The following RGL1 variants were observed in gnomAD, a reference collection of about 807,000 sequenced individuals.
The protein encoded by RGL1 is ral guanine nucleotide dissociation stimulator-like 1.
RGL1 carries 24 observed loss-of-function variants against 95.2 expected under a neutral mutation model. The ratio of observed to expected loss-of-function variants is 0.25; its 90% confidence interval spans 0.18 to 0.35. The LOEUF (loss-of-function observed/expected upper bound fraction) is 0.35, where lower values mean the gene tolerates loss of function less well. Among genes scored for constraint, RGL1 ranks in the 10% least tolerant of loss-of-function variants. The probability of loss-of-function intolerance (pLI) is 1.00; values close to 1 mark genes in which losing one functional copy is unlikely to be tolerated. For missense variants in RGL1, 715 were observed against 936.3 expected, an observed-to-expected ratio of 0.76 and a Z score of 3.08; for synonymous variants, 329 against 344.9, an observed-to-expected ratio of 0.95 and a Z score of 0.51.
chr1:183,846,392 G>A (rs1240160025), intron 2 of RGL1, among the ~76,000 whole-genome samples: 2 of 151,976 alleles, frequency 1.3e-5, no homozygotes, highest in East Asian at 1.9e-4. Context: ...GGGGCCTGTC[G>A]GGGGTGGGGT....
intron 2 of RGL1, among the ~76,000 whole-genome samples, chr1:183,816,947 G>GAA (rs140069137): frequency 6.6e-6 from 1 of 150,962 alleles, no homozygotes; most frequent in Non-Finnish European, 1.5e-5. Flanking sequence ...TTGGTTGTGG[G>GAA]AAAAAAAAAC....
intron 2 of RGL1, among the ~76,000 whole-genome samples, chr1:183,762,742 A>AGAT (rs1658760691): frequency 6.6e-6 from 1 of 152,226 alleles, no homozygotes; most frequent in South Asian, 2.1e-4. Flanking sequence ...AAGAAACAAC[A>AGAT]GATGCTGGAG....
chr1:183,647,896 C>T, intron 1 of RGL1: 1 of 1,614,160 alleles, frequency 6.2e-7, no homozygotes, highest in Non-Finnish European at 8.5e-7. Flanking sequence ...CTGAGAGGCA[C>T]TAGCACAAAA....
intron 2 of RGL1, among the ~76,000 whole-genome samples, chr1:183,768,263 T>C (rs1659087455): frequency 6.6e-6 from 1 of 152,076 alleles, no homozygotes; most frequent in East Asian, 1.9e-4. Flanking sequence ...TATTTTATTT[T>C]AGGACAAAAA....
chr1:183,922,796 T>A (rs187630661), intron 17 of RGL1, among the ~76,000 whole-genome samples: 1 of 152,360 alleles, frequency 6.6e-6, no homozygotes, highest in African/African-American at 2.4e-5. Flanking sequence ...GGTATTTTCT[T>A]TATTCATGAT....
rs138039135 is a variant in RGL1 at position 183,868,102 on chromosome 1, C to T, written c.425+2029C>T. On this transcript the variant is annotated intron_variant, in intron 4 of 17. Coordinates refer to ENST00000360851, the MANE Select transcript of RGL1 (RefSeq NM_001297671.3). ...GGAGGAGGTTACCTTTGATCTGGGCCCTGAAGCATGGTGAAGATTTTGTTG... is the reference window on the plus strand; with the variant it reads ...GGAGGAGGTTACCTTTGATCTGGGCTCTGAAGCATGGTGAAGATTTTGTTG... Among the ~76,000 whole-genome samples the T allele has an allele frequency of 1.1e-3, 173 of 152,176 alleles. 3 individuals are homozygous for T. In the East Asian group the frequency reaches 0.031, roughly 27 times the overall value.
chr1:183,913,841 C>T lies in RGL1; in HGVS notation c.1749+1573C>T, dbSNP rs906029505. ...TTCAGGATTCATCAAACTGAGATGACTAATTTGCTGCTCTAGTTGGATTTC... is the reference window on the plus strand; with the variant it reads ...TTCAGGATTCATCAAACTGAGATGATTAATTTGCTGCTCTAGTTGGATTTC... On this transcript the variant is annotated intron_variant, in intron 15 of 17. Transcript: ENST00000360851. Among the ~76,000 whole-genome samples the T allele has an allele frequency of 7.2e-5, 11 of 152,208 alleles. 1 individual carries two copies. The highest frequency in any genetic ancestry group is 6.5e-4 in the Admixed American group (10 of 15,280).
In RGL1 at chr1:183,772,884, CT is replaced by C. The variant is rs1659361143; in HGVS notation, c.132+30596del. 1.3e-5 allele frequency among the ~76,000 whole-genome samples: 2 copies of C among 151,284 alleles called. 1 individual carries two copies. The highest frequency in any genetic ancestry group is 4.2e-4 in the South Asian group (2 of 4,776). On this transcript the variant is annotated intron_variant, in intron 2 of 18. Transcript: ENST00000304685. ...ATTAGCCGGGCGCGGTGGCGGGCGC[CT>C]GTAGTCCCAGCTACTGGGGAGGCTG...
At chr1:183,882,848 G>T (rs998453387) in intron 5 of RGL1, among the ~76,000 whole-genome samples, 2 of 152,136 alleles carry the variant, frequency 1.3e-5, no homozygotes, top group African/African-American at 4.8e-5. Context: ...GAAAGAAAAG[G>T]CTCAAAATAT....
chr1:183,835,807 C>T (rs1380385391), intron 2 of RGL1, among the ~76,000 whole-genome samples: 2 of 152,146 alleles, frequency 1.3e-5, no homozygotes, highest in African/African-American at 4.8e-5. Context: ...TTTCAACATG[C>T]CTTAGATCTA....
chr1:183,920,515 A>T (rs1669254080), intron 16 of RGL1, among the ~76,000 whole-genome samples: 1 of 152,234 alleles, frequency 6.6e-6, no homozygotes. Flanking sequence ...TAAACACGCA[A>T]GGGAAAGCCC....
At position 183,652,920 on chromosome 1, in the gene RGL1, A is replaced by G. The variant is rs1347663082; in HGVS notation, c.-33+16419A>G. ...TTTAACATAAATGAACCACACCATA[A>G]GGACAATCTGCTCTCATTTCACTCA... On this transcript the variant is annotated intron_variant, in intron 1 of 18. Coordinates refer to the RGL1 transcript ENST00000304685. Among the ~76,000 whole-genome samples, 7 of 152,224 alleles carry G rather than the reference A, an allele frequency of 4.6e-5. No individual in the cohort carries two copies. In the East Asian group the frequency reaches 1.3e-3, roughly 29 times the overall value.
chr1:183,901,106 C>G (rs1157877279), intron 11 of RGL1, among the ~76,000 whole-genome samples: 2 of 151,952 alleles, frequency 1.3e-5, no homozygotes, highest in Non-Finnish European at 2.9e-5. Flanking sequence ...CGAGACCACC[C>G]TGGCCAACAT....
intron 1 of RGL1, among the ~76,000 whole-genome samples, chr1:183,720,456 G>T (rs1010376785): frequency 6.6e-6 from 1 of 152,166 alleles, no homozygotes; most frequent in Non-Finnish European, 1.5e-5. Context: ...GTCCAAAACT[G>T]TATATGCAAC....
At chr1:183,738,377 C>T (rs1394022631) in intron 1 of RGL1, among the ~76,000 whole-genome samples, 2 of 151,172 alleles carry the variant, frequency 1.3e-5, no homozygotes, top group East Asian at 2.0e-4. Context: ...GCTGAGATCA[C>T]GCCACTGCAT....
At chr1:183,638,690 A>G (rs934557949) in intron 1 of RGL1, among the ~76,000 whole-genome samples, 8 of 152,220 alleles carry the variant, frequency 5.3e-5, no homozygotes, top group Non-Finnish European at 1.2e-4. Context: ...TAATTTTTCA[A>G]ATGAGTGCTT....
chr1:183,917,134 TC>T (rs1317662092), intron 16 of RGL1, among the ~76,000 whole-genome samples: 1 of 152,178 alleles, frequency 6.6e-6, no homozygotes, highest in Non-Finnish European at 1.5e-5. Context: ...AGCAGTGTAC[TC>T]CCCTGATGGC....
intron 1 of RGL1, among the ~76,000 whole-genome samples, chr1:183,702,727 A>G (rs1654675130): frequency 6.6e-6 from 1 of 152,164 alleles, no homozygotes; most frequent in Admixed American, 6.5e-5. Flanking sequence ...GGACCAACTG[A>G]CAGGGGATTG....
chr1:183,856,433 A>G (rs1277296864), intron 3 of RGL1, among the ~76,000 whole-genome samples: 3 of 151,858 alleles, frequency 2.0e-5, no homozygotes, highest in Admixed American at 1.3e-4. Flanking sequence ...AATTTCCTAT[A>G]TAAGTGATAG....
Sources: allele counts gnomAD v4.1 joint callset (sites outside exome capture counted in the v4.1 genomes callset), GRCh38; gene constraint gnomAD v4.1.1; transcripts MANE v1.5; gene names NCBI Gene and HGNC (gene_info 2026-07-23, HGNC 2026-07-21).